The following DCTN2 variants were observed in gnomAD, a reference collection of about 807,000 sequenced individuals.
DCTN2 encodes the protein dynactin subunit 2.
DCTN2 carries 18 observed loss-of-function variants against 55.4 expected under a neutral mutation model. The ratio of observed to expected loss-of-function variants is 0.32; its 90% CI spans 0.22 to 0.48. DCTN2 has a LOEUF of 0.48. Among genes scored for constraint, DCTN2 ranks in the 20% least tolerant of loss-of-function variants. DCTN2 has a pLI of 0.99. For missense variants in DCTN2, 390 were observed against 491.0 expected (o/e 0.79, Z 1.94); for synonymous variants, 168 against 185.2 (o/e 0.91, Z 0.76).
At position 57,532,256 on chromosome 12, in the gene DCTN2, C is replaced by T. The variant is rs780174621; in HGVS notation, c.984G>A (p.Glu328=). 5.6e-5 allele frequency: 87 copies of T among 1,562,068 alleles called. 1 individual carries two copies. Among genetic ancestry groups the T allele is most frequent in the South Asian group, 4.6e-4 (39 of 84,686 alleles). ...TGATGGTGACAAGTCTCTGCACCAG[C>T]TCAGGGAGGGTGGAGGCAATGGGGC... ...RWSPIASTLP[E]LVQRLVTIKQ... is the part of the protein sequence containing the mutation. The change falls in exon 12 of 14, where the codon GAG becomes GAA. Residue 328 remains glutamate, a synonymous_variant. Transcript: ENST00000548249.
In DCTN2 at chr12:57,530,458, C is replaced by A; in HGVS notation, c.*231G>T. 1 of 472,980 alleles carries A rather than the reference C, an allele frequency of 2.1e-6. No individual in the cohort carries two copies. The highest frequency in any genetic ancestry group is 1.9e-5 in the African/African-American group (1 of 52,008). The allele number at this position is 472,980 out of a possible 1,614,324, so 29.3% of individuals were successfully genotyped here. A position where few individuals can be genotyped will look rare whatever the true frequency, so the allele number is the denominator to read the frequency against. On this transcript the variant is annotated 3_prime_UTR_variant, in exon 14 of 14. Coordinates refer to ENST00000548249, the MANE Select transcript of DCTN2 (RefSeq NM_001261413.2). ...GTTGGCATGTGGCTGGGCCCACGTC[C>A]TTATCCCCCAGGCCTGAGGGGAGAC...
chr12:57,542,716 G>A (rs1880795294), intron 2 of DCTN2: 1 of 440,392 alleles, frequency 2.3e-6, no homozygotes, highest in Non-Finnish European at 4.6e-6. Context: ...CTACTTGGGA[G>A]GCTGAGGCAG....
chr12:57,544,846 C>T (rs1448849176), intron 2 of DCTN2, among the ~76,000 whole-genome samples: 1 of 152,140 alleles, frequency 6.6e-6, no homozygotes, highest in Non-Finnish European at 1.5e-5. Flanking sequence ...CAGGTGCACA[C>T]CCAGGTCCTT....
At chr12:57,544,088 G>C in intron 2 of DCTN2, 1 of 444,260 alleles carries the variant, frequency 2.3e-6, no homozygotes, top group Non-Finnish European at 4.5e-6. Flanking sequence ...CAAAAGGACT[G>C]AGTTCTATTC....
chr12:57,546,089 T>C lies in DCTN2; in HGVS notation c.44A>G (p.Asn15Ser), dbSNP rs1256904297. The change falls in exon 2 of 14, where the codon AAT (asparagine) becomes AGT (serine). Residue 15 changes from asparagine to serine, a missense_variant. Asn to Ser is a conservative substitution (Grantham distance 46). This residue lies in a region of DCTN2 where 117 missense variants were observed against 187.8 expected (regional missense o/e 0.62). Transcript: ENST00000548249. ...GCTAGTTTCATAAACATCTGGCTCA[T>C]TCCTGGCCTGCAGGTAGAAGCAGTG... ...KYADLPGIAR[N>S]EPDVYETSDL... The C allele has an allele frequency of 1.2e-6, 2 of 1,613,794 alleles. No individual in the cohort carries two copies. The highest frequency in any genetic ancestry group is 2.2e-5 in the East Asian group (1 of 44,896).
chr12:57,532,480 G>C, intron 11 of DCTN2, 92 bp downstream of exon 11: 1 of 1,426,304 alleles, frequency 7.0e-7, no homozygotes, highest in African/African-American at 1.4e-5. Context: ...TGAAGATGGG[G>C]ACCTGAGGAG....
At chr12:57,534,218 C>T (rs996376850) in intron 6 of DCTN2, 74 bp downstream of exon 6, 1 of 1,525,684 alleles carries the variant, frequency 6.6e-7, no homozygotes, top group Non-Finnish European at 8.8e-7. Flanking sequence ...CCACTTAGCA[C>T]CCCTGTCAGT....
At chr12:57,546,467 T>G (rs550187526) in intron 1 of DCTN2, among the ~76,000 whole-genome samples, 3 of 152,168 alleles carry the variant, frequency 2.0e-5, no homozygotes, top group Non-Finnish European at 4.4e-5. Context: ...AGGACCTTAG[T>G]ACTCAAGGTC....
intron 4 of DCTN2, 93 bp downstream of exon 4, chr12:57,535,390 GA>G: frequency 6.7e-7 from 1 of 1,492,952 alleles, no homozygotes; most frequent in South Asian, 1.2e-5. Flanking sequence ...AGGAGGAACA[GA>G]ATCCCGCCTG....
At chr12:57,541,407 G>A in intron 2 of DCTN2, 1 of 1,598,750 alleles carries the variant, frequency 6.3e-7, no homozygotes, top group Non-Finnish European at 8.5e-7. Flanking sequence ...GAGGGAGGAT[G>A]GGGGAAGCAT....
chr12:57,539,143 T>G (rs1880488963), intron 2 of DCTN2, among the ~76,000 whole-genome samples: 1 of 152,228 alleles, frequency 6.6e-6, no homozygotes, highest in Non-Finnish European at 1.5e-5. Flanking sequence ...ACAAAATATG[T>G]CAGGTACAGA....
Position 57,530,352 on chromosome 12 carries a change from T to C in DCTN2, c.*337A>G, listed in dbSNP as rs1209078647. 1 of 267,172 alleles carries C rather than the reference T, an allele frequency of 3.7e-6. No homozygotes were observed. Among genetic ancestry groups the C allele is most frequent in the Non-Finnish European group, 7.3e-6 (1 of 136,822 alleles). The allele number at this position is 267,172 out of a possible 1,614,324, so 16.6% of individuals were successfully genotyped here. A position where few individuals can be genotyped will look rare whatever the true frequency, so the allele number is the denominator to read the frequency against. ...TTAATGGTCAGAAACAGTTGTACAGTATTACAGTCAGCCACAGAAGCTGTG... is the reference window on the plus strand; with the variant it reads ...TTAATGGTCAGAAACAGTTGTACAGCATTACAGTCAGCCACAGAAGCTGTG... On this transcript the variant is annotated 3_prime_UTR_variant, in exon 14 of 14. Coordinates refer to ENST00000548249, the MANE Select transcript of DCTN2 (RefSeq NM_001261413.2).
At chr12:57,542,869 A>T (rs764856518) in intron 2 of DCTN2, 4 of 455,892 alleles carry the variant, frequency 8.8e-6, no homozygotes, top group South Asian at 6.2e-5. Context: ...ACAAGAGTCT[A>T]TCCATATTGG....
At chr12:57,541,310 T>G (rs1380870563) in intron 2 of DCTN2, 1 of 1,591,364 alleles carries the variant, frequency 6.3e-7, no homozygotes, top group East Asian at 2.2e-5. Context: ...GAGCATTGCA[T>G]GCGAGATGGC....
At chr12:57,538,025 C>T (rs1880384923) in intron 2 of DCTN2, among the ~76,000 whole-genome samples, 2 of 152,344 alleles carry the variant, frequency 1.3e-5, no homozygotes, top group South Asian at 4.1e-4. Context: ...GCATAACCTA[C>T]AGACCCAGGA....
At chr12:57,534,242 C>T (rs1356873576) in intron 6 of DCTN2, 50 bp downstream of exon 6, 1 of 1,539,036 alleles carries the variant, frequency 6.5e-7, no homozygotes, top group East Asian at 2.3e-5. Context: ...TGGCTGAGTC[C>T]ATCCACAACC....
At position 57,547,084 on chromosome 12, in the gene DCTN2, G is replaced by A. The variant is rs565248480; in HGVS notation, c.-21C>T. ...GCCATGGCGGCGGCGAGACGGGCTG[G>A]GGGACCCGGGCCTCGGTGGAGCCGG... On this transcript the variant is annotated 5_prime_UTR_variant, in exon 1 of 14. Coordinates refer to ENST00000548249, the MANE Select transcript of DCTN2 (RefSeq NM_001261413.2). 7.1e-5 allele frequency: 90 copies of A among 1,265,060 alleles called. No homozygotes were observed. In the Middle Eastern group the frequency reaches 1.1e-3, roughly 16 times the overall value. The allele number at this position is 1,265,060 out of a possible 1,614,324, so 78.4% of individuals were successfully genotyped here.
rs756920328 is a variant in DCTN2, at chr12:57,533,072, T to C, written c.736-50A>G. On this transcript the variant is annotated intron_variant, in intron 8 of 13. Coordinates refer to ENST00000548249, the MANE Select transcript of DCTN2 (RefSeq NM_001261413.2). Reference sequence around the variant, plus strand: ...TGAGTGGTCCTTATATCTCCATGATTATCGTCTTCTCCCATCTTTCCTGGT... The same window carrying C: ...TGAGTGGTCCTTATATCTCCATGATCATCGTCTTCTCCCATCTTTCCTGGT... 3 of 1,566,886 alleles carry C rather than the reference T, an allele frequency of 1.9e-6. No individual in the cohort carries two copies. The East Asian group carries it at 6.8e-5, about 35-fold the overall frequency.
intron 3 of DCTN2, 70 bp from the exon 4 acceptor site, chr12:57,535,615 T>C (rs982591238): frequency 5.8e-6 from 9 of 1,564,218 alleles, no homozygotes; most frequent in African/African-American, 5.4e-5. Context: ...CAGGTGACTG[T>C]GAGGGCTTCC....
Sources: allele counts gnomAD v4.1 joint callset (sites outside exome capture counted in the v4.1 genomes callset), GRCh38; gene constraint gnomAD v4.1.1; regional missense constraint gnomAD v4.1.1; transcripts MANE v1.5; gene names NCBI Gene and HGNC (gene_info 2026-07-23, HGNC 2026-07-21).